Variants in ZSWIM6 observed in about 807,000 individuals in gnomAD.
The protein encoded by ZSWIM6 is zinc finger SWIM domain-containing protein 6.
Under a neutral mutation model 113.2 loss-of-function variants are expected in ZSWIM6, and 9 were observed. The ratio of observed to expected loss-of-function variants is 0.08; its 90% CI spans 0.05 to 0.14. The LOEUF (loss-of-function observed/expected upper bound fraction) is 0.14. ZSWIM6 is among the 10% of genes least tolerant of loss of function. The pLI is 1.00. For synonymous variants in ZSWIM6, 611 were observed against 606.5 expected (o/e 1.01, Z -0.11); for missense variants, 1,162 against 1,552.2 (o/e 0.75, Z 4.22).
At chr5:61,389,567 A>AG (rs1364634119) in intron 1 of ZSWIM6, among the ~76,000 whole-genome samples, 1 of 151,224 alleles carries the variant, frequency 6.6e-6, no homozygotes, top group East Asian at 1.9e-4. Context: ...AAAAAAAAAA[A>AG]AAAAAAAAAA....
At chr5:61,493,155 T>C (rs1179889753) in intron 3 of ZSWIM6, among the ~76,000 whole-genome samples, 1 of 152,094 alleles carries the variant, frequency 6.6e-6, no homozygotes, top group African/African-American at 2.4e-5. Flanking sequence ...AGTTAACTTA[T>C]TAGATCTGTG....
At chr5:61,381,471 T>C (rs1037476176) in intron 1 of ZSWIM6, among the ~76,000 whole-genome samples, 4 of 152,212 alleles carry the variant, frequency 2.6e-5, no homozygotes, top group African/African-American at 7.2e-5. Flanking sequence ...TATGACTCTA[T>C]TGAATTTAAA....
At chr5:61,462,708 T>C (rs1210562700) in intron 1 of ZSWIM6, among the ~76,000 whole-genome samples, 2 of 152,226 alleles carry the variant, frequency 1.3e-5, no homozygotes, top group African/African-American at 4.8e-5. Context: ...ACAATAATGA[T>C]GATGGCAGGC....
chr5:61,380,881 G>C (rs551682075), intron 1 of ZSWIM6, among the ~76,000 whole-genome samples: 1 of 151,304 alleles, frequency 6.6e-6, no homozygotes, highest in East Asian at 1.9e-4. Context: ...CAAGTGGATC[G>C]CTTGAACCCA....
At chr5:61,523,907 A>C (rs1336194874) in intron 5 of ZSWIM6, among the ~76,000 whole-genome samples, 1 of 152,226 alleles carries the variant, frequency 6.6e-6, no homozygotes, top group Non-Finnish European at 1.5e-5. Context: ...AAACATGTGA[A>C]AGGTTCAGGT....
At chr5:61,495,876 A>G (rs1748302165) in intron 4 of ZSWIM6, among the ~76,000 whole-genome samples, 1 of 152,146 alleles carries the variant, frequency 6.6e-6, no homozygotes, top group Non-Finnish European at 1.5e-5. Flanking sequence ...AAATTATTGA[A>G]TTAATATTAA....
rs947768743 is a variant in ZSWIM6 at position 61,505,539 on chromosome 5, A to C, written c.1333+11129A>C. ...AGACTACATATCAGATAAGGGCCAC[A>C]GGTTTATAGGGAGGAAAATTATCCA... On this transcript the variant is annotated intron_variant, in intron 4 of 13. Coordinates refer to ENST00000252744, the MANE Select transcript of ZSWIM6 (RefSeq NM_020928.2). Among the ~76,000 whole-genome samples the C allele has an allele frequency of 5.3e-5, 8 of 152,226 alleles. No homozygotes were observed. In the South Asian group the frequency reaches 1.2e-3, roughly 24 times the overall value.
At chr5:61,440,255 G>T (rs1027778508) in intron 1 of ZSWIM6, among the ~76,000 whole-genome samples, 2 of 151,532 alleles carry the variant, frequency 1.3e-5, no homozygotes, top group South Asian at 4.2e-4. Context: ...ATGTGGTAGG[G>T]TAATCTTGTT....
chr5:61,504,125 T>G (rs1748540780), intron 4 of ZSWIM6, among the ~76,000 whole-genome samples: 1 of 152,206 alleles, frequency 6.6e-6, no homozygotes, highest in South Asian at 2.1e-4. Flanking sequence ...TTATTTTTGA[T>G]GTACTGAAAA....
At chr5:61,335,292 G>A (rs900427195) in intron 1 of ZSWIM6, among the ~76,000 whole-genome samples, 3 of 152,198 alleles carry the variant, frequency 2.0e-5, no homozygotes, top group Non-Finnish European at 4.4e-5. Flanking sequence ...TACAAATTGT[G>A]GAAAATATTC....
At chr5:61,495,720 A>G (rs1748297812) in intron 4 of ZSWIM6, among the ~76,000 whole-genome samples, 1 of 152,140 alleles carries the variant, frequency 6.6e-6, no homozygotes, top group South Asian at 2.1e-4. Flanking sequence ...TTAAATAAGT[A>G]TTTTCATAAA....
intron 1 of ZSWIM6, among the ~76,000 whole-genome samples, chr5:61,372,667 A>G (rs1745289782): frequency 6.6e-6 from 1 of 152,124 alleles, no homozygotes; most frequent in Non-Finnish European, 1.5e-5. Flanking sequence ...ACTTCTCCTG[A>G]GCTCCAGACT....
At chr5:61,389,188 A>G (rs1244119028) in intron 1 of ZSWIM6, among the ~76,000 whole-genome samples, 1 of 152,018 alleles carries the variant, frequency 6.6e-6, no homozygotes, top group African/African-American at 2.4e-5. Flanking sequence ...CTCTCTCACC[A>G]GAGACTTGTT....
At chr5:61,497,348 T>C (rs911756067) in intron 4 of ZSWIM6, among the ~76,000 whole-genome samples, 3 of 152,210 alleles carry the variant, frequency 2.0e-5, no homozygotes, top group African/African-American at 4.8e-5. Context: ...AAATTAATTG[T>C]AAAAGTAACA....
intron 1 of ZSWIM6, among the ~76,000 whole-genome samples, chr5:61,360,676 C>A (rs894865295): frequency 2.6e-5 from 4 of 152,160 alleles, no homozygotes; most frequent in African/African-American, 9.7e-5. Flanking sequence ...ATTTTGACTT[C>A]TGTTACTGGC....
intron 1 of ZSWIM6, among the ~76,000 whole-genome samples, chr5:61,389,828 GAAT>G (rs1010246038): frequency 2.0e-5 from 3 of 152,320 alleles, no homozygotes; most frequent in East Asian, 3.9e-4. Flanking sequence ...GCTGGGCAGA[GAAT>G]AATTTCTTAG....
chr5:61,375,831 T>C (rs1269137045), intron 1 of ZSWIM6: 17 of 1,034,678 alleles, frequency 1.6e-5, no homozygotes, highest in Non-Finnish European at 2.4e-5. Context: ...AGAAGGCTGC[T>C]AGTTCAAGTC....
At chr5:61,526,012 T>G (rs1041349270) in intron 6 of ZSWIM6, 36 bp downstream of exon 6, 8 of 1,549,102 alleles carry the variant, frequency 5.2e-6, no homozygotes, top group Middle Eastern at 1.7e-4. Context: ...TTCCATGACT[T>G]ACTTCTTTGT....
intron 1 of ZSWIM6, among the ~76,000 whole-genome samples, chr5:61,455,959 C>A (rs1323408679): frequency 6.6e-6 from 1 of 151,942 alleles, no homozygotes; most frequent in Non-Finnish European, 1.5e-5. Context: ...TCAGGCTGAA[C>A]CTTTTATTCT....
Sources: gnomAD v4.1 joint callset for allele counts (sites outside exome capture counted in the v4.1 genomes callset) on GRCh38, gnomAD v4.1.1 for gene constraint, MANE v1.5 for transcripts, NCBI Gene and HGNC (gene_info 2026-07-23, HGNC 2026-07-21) for gene names.